The following CLCA1 variants were observed in gnomAD, a reference collection of about 807,000 sequenced individuals.
The protein encoded by CLCA1 is chloride channel accessory 1.
A neutral mutation model predicts 85.6 loss-of-function variants in CLCA1; 59 were observed. That is an observed-to-expected ratio of 0.69 (90% CI 0.56 to 0.86). The LOEUF (loss-of-function observed/expected upper bound fraction) is 0.86, where lower values mean the gene tolerates loss of function less well. Ranked by LOEUF, CLCA1 falls within the 40% of genes least tolerant of loss-of-function variation. The pLI, the probability that CLCA1 is intolerant of heterozygous loss-of-function variation, is 0.00. For synonymous variants in CLCA1, 396 were observed against 398.3 expected, an observed-to-expected ratio of 0.99 and a Z score of 0.07; for missense variants, 1,022 against 1,101.4, an observed-to-expected ratio of 0.93 and a Z score of 1.02.
At chr1:86,470,190 TGGAAA>T (rs1647463825) in intron 1 of CLCA1, among the ~76,000 whole-genome samples, 1 of 152,092 alleles carries the variant, frequency 6.6e-6, no homozygotes, top group Non-Finnish European at 1.5e-5. Flanking sequence ...AGATAATGTT[TGGAAA>T]GAAAACCATC....
intron 4 of CLCA1, among the ~76,000 whole-genome samples, chr1:86,478,648 A>G (rs1647741749): frequency 1.3e-5 from 2 of 152,240 alleles, no homozygotes; most frequent in Non-Finnish European, 2.9e-5. Flanking sequence ...CTAAGCTTCC[A>G]GCCAGTTAGA....
chr1:86,477,106 C>A (rs545503367), intron 4 of CLCA1, among the ~76,000 whole-genome samples: 1 of 152,304 alleles, frequency 6.6e-6, no homozygotes, highest in South Asian at 2.1e-4. Flanking sequence ...GATGGAGTCT[C>A]ACCATGTTGC....
At chr1:86,488,692 A>G (rs1648052042) in intron 7 of CLCA1, among the ~76,000 whole-genome samples, 1 of 152,200 alleles carries the variant, frequency 6.6e-6, no homozygotes, top group Non-Finnish European at 1.5e-5. Flanking sequence ...GGAGAGACCA[A>G]GTGAAGGAAA....
rs5744320 is a variant in CLCA1, at chr1:86,472,648, A to G, written c.163-769A>G. 6.3e-3 allele frequency among the ~76,000 whole-genome samples: 967 copies of G among 152,292 alleles called. 6 individuals are homozygous for G. The highest frequency in any genetic ancestry group is 0.027 in the Middle Eastern group (8 of 294). ...ACATTTATAATTTAACGCTGCAGCT[A>G]TTTCATTTTAGAGAAGTAAAATTAG... On this transcript the variant is annotated intron_variant, in intron 1 of 13. Coordinates refer to ENST00000394711, the MANE Select transcript of CLCA1 (RefSeq NM_001285.4).
intron 1 of CLCA1, 128 bp downstream of exon 1, chr1:86,469,261 A>G (rs1457464370): frequency 8.1e-6 from 5 of 613,894 alleles, no homozygotes; most frequent in Non-Finnish European, 2.7e-6. Flanking sequence ...CAGTTTCTTC[A>G]TCTGTAAAAT....
At chr1:86,470,137 T>C (rs1233841754) in intron 1 of CLCA1, among the ~76,000 whole-genome samples, 2 of 152,120 alleles carry the variant, frequency 1.3e-5, no homozygotes, top group Admixed American at 1.3e-4. Context: ...CCCAGAGGGA[T>C]TTCCCCAGAG....
At position 86,485,386 on chromosome 1, in the gene CLCA1, C is replaced by A; in HGVS notation, c.779C>A (p.Pro260Gln). 3 of 1,614,122 alleles carry A rather than the reference C, an allele frequency of 1.9e-6. No individual in the cohort carries two copies. Among genetic ancestry groups the A allele is most frequent in the East Asian group, 2.2e-5 (1 of 44,888 alleles). Reference sequence around the variant, plus strand: ...GAACAAAACCACAACAAAGAAGCTCCAAACAAGCAAAATCAAAAATGCAAT... The same window carrying A: ...GAACAAAACCACAACAAAGAAGCTCAAAACAAGCAAAATCAAAAATGCAAT... ...CTEQNHNKEA[P>Q]NKQNQKCNLR... The change falls in exon 6 of 14, where the codon CCA (proline) becomes CAA (glutamine). Residue 260 changes from proline (P) to glutamine (Q), a missense_variant. Pro to Gln is a moderately conservative substitution (Grantham distance 76, BLOSUM62 -1). Coordinates refer to ENST00000394711, the MANE Select transcript of CLCA1 (RefSeq NM_001285.4).
intron 4 of CLCA1, among the ~76,000 whole-genome samples, chr1:86,478,888 C>T (rs1258504033): frequency 6.6e-6 from 1 of 152,130 alleles, no homozygotes; most frequent in Admixed American, 6.5e-5. Flanking sequence ...AACAGCACTG[C>T]CCAGGACAGG....
chr1:86,493,559 A>T lies in CLCA1; in HGVS notation c.1640A>T (p.Asn547Ile), dbSNP rs1244071159. 1.2e-6 allele frequency: 2 copies of T among 1,614,164 alleles called. No individual in the cohort carries two copies. The highest frequency in any genetic ancestry group is 3.3e-5 in the Admixed American group (2 of 60,020). ...CAAGGTGGCTTTGTAGTGGACAAAA[A>T]CACCAAAATGGCCTACCTCCAAATC... ...QKQGGFVVDK[N>I]TKMAYLQIPG... The change falls in exon 10 of 14, where the codon AAC becomes ATC. Residue 547 changes from asparagine (N) to isoleucine (I), a missense_variant. Coordinates refer to ENST00000394711, the MANE Select transcript of CLCA1 (RefSeq NM_001285.4).
intron 4 of CLCA1, among the ~76,000 whole-genome samples, chr1:86,480,842 A>T (rs953301058): frequency 3.3e-5 from 5 of 152,166 alleles, no homozygotes; most frequent in African/African-American, 7.2e-5. Flanking sequence ...ATATCAAATT[A>T]AAAAAAGTCT....
At chr1:86,481,244 C>A (rs1412651029) in intron 4 of CLCA1, among the ~76,000 whole-genome samples, 1 of 151,910 alleles carries the variant, frequency 6.6e-6, no homozygotes. Context: ...TCAAGCAATT[C>A]TCGTGCCTTA....
chr1:86,473,466 G>A lies in CLCA1; in HGVS notation c.212G>A (p.Arg71Gln), dbSNP rs753995315. ...TATCTGCTTGAAGCTACAGGAAAGC[G>A]ATTTTATTTCAAAAATGTTGCCATT... ...SLYLLEATGK[R>Q]FYFKNVAILI... The change falls in exon 2 of 14, where the codon CGA becomes CAA. Residue 71 changes from arginine to glutamine, a missense_variant. By Grantham distance (43) the Arg-to-Gln change is conservative. Coordinates refer to ENST00000394711, the MANE Select transcript of CLCA1 (RefSeq NM_001285.4). The A allele has an allele frequency of 3.0e-5, 48 of 1,609,600 alleles. No individual in the cohort carries two copies. Among genetic ancestry groups the A allele is most frequent in the Admixed American group, 2.0e-4 (12 of 59,954 alleles).
intron 8 of CLCA1, among the ~76,000 whole-genome samples, chr1:86,490,399 A>G (rs1648102970): frequency 6.6e-6 from 1 of 152,180 alleles, no homozygotes; most frequent in Admixed American, 6.5e-5. Context: ...ACTTAGTGAC[A>G]CCTATTCTAA....
chr1:86,492,030 G>GA (rs3835431), intron 9 of CLCA1, among the ~76,000 whole-genome samples: 62,588 of 151,926 alleles, frequency 0.41, 13,566 homozygotes, highest in Non-Finnish European at 0.48. Flanking sequence ...TAAGAAAAAA[G>GA]AAAAATGTAT....
At chr1:86,490,174 A>G (rs1648096735) in intron 8 of CLCA1, among the ~76,000 whole-genome samples, 1 of 152,146 alleles carries the variant, frequency 6.6e-6, no homozygotes. Context: ...AGGGCAGAGG[A>G]GAGGGGCATG....
In CLCA1 at chr1:86,492,884, T is replaced by C. The variant is rs182758475; in HGVS notation, c.1465-500T>C. ...GATGAGCTTCATATACCAATAAATA[T>C]AGGGCGAAGCACAATATGATGAATG... On this transcript the variant is annotated intron_variant, in intron 9 of 13. Transcript: ENST00000394711. Among the ~76,000 whole-genome samples the C allele has an allele frequency of 1.1e-4, 16 of 152,204 alleles. No homozygotes were observed. The East Asian group carries it at 2.7e-3, about 26-fold the overall frequency.
chr1:86,498,471 G>T, intron 12 of CLCA1, 101 bp from the exon 13 acceptor site: 1 of 1,166,956 alleles, frequency 8.6e-7, no homozygotes. Flanking sequence ...GAAAGAAGCA[G>T]AAGTGGGGAA....
At chr1:86,474,222 T>TACAATAGCC (rs1647579978) in intron 3 of CLCA1, among the ~76,000 whole-genome samples, 2 of 152,240 alleles carry the variant, frequency 1.3e-5, no homozygotes, top group African/African-American at 4.8e-5. Context: ...CTGCAATTCA[T>TACAATAGCC]ACAATAGCCA....
At chr1:86,472,391 C>G (rs903993026) in intron 1 of CLCA1, among the ~76,000 whole-genome samples, 3 of 152,224 alleles carry the variant, frequency 2.0e-5, no homozygotes, top group African/African-American at 4.8e-5. Context: ...TCTGCAGGCA[C>G]TGACTGCCCT....
Sources: allele counts gnomAD v4.1 joint callset (sites outside exome capture counted in the v4.1 genomes callset), GRCh38; gene constraint gnomAD v4.1.1; transcripts MANE v1.5; gene names NCBI Gene and HGNC (gene_info 2026-07-23, HGNC 2026-07-21).